SCARA3: variants seen among roughly 807,000 people sequenced by gnomAD.
The protein encoded by SCARA3 is cellular stress response gene protein.
SCARA3 carries 39 observed loss-of-function variants against 47.0 expected under a neutral mutation model. The observed-to-expected ratio is 0.83, with a 90% confidence interval of 0.64 to 1.08. The LOEUF is 1.08. Ranked by LOEUF, SCARA3 falls within the 50% of genes least tolerant of loss-of-function variation. The pLI, the probability that SCARA3 is intolerant of heterozygous loss-of-function variation, is 0.00. For missense variants in SCARA3, 724 were observed against 792.3 expected (o/e 0.91, Z 1.04); for synonymous variants, 356 against 334.1 (o/e 1.07, Z -0.71).
chr8:27,699,756 C>A, the SCARA3 span, among the ~76,000 whole-genome samples: 2 of 151,686 alleles, frequency 1.3e-5, no homozygotes, highest in African/African-American at 4.8e-5. Context: ...TAGTGAGACC[C>A]CAACTCTACA....
At chr8:27,645,423 G>C (rs143454187) in intron 1 of SCARA3, among the ~76,000 whole-genome samples, 1 of 152,398 alleles carries the variant, frequency 6.6e-6, no homozygotes, top group East Asian at 1.9e-4. Flanking sequence ...ACTGCTAGGA[G>C]CGTGACCTGT....
the SCARA3 span, among the ~76,000 whole-genome samples, chr8:27,685,958 A>G: frequency 1.3e-5 from 2 of 152,350 alleles, no homozygotes; most frequent in Admixed American, 6.5e-5. Flanking sequence ...GATGTTAAAG[A>G]TTAAAAGACA....
the SCARA3 span, among the ~76,000 whole-genome samples, chr8:27,688,338 G>A: frequency 6.6e-6 from 1 of 151,310 alleles, no homozygotes; most frequent in Non-Finnish European, 1.5e-5. Context: ...GAAGGAGGGG[G>A]AAAGTGAATA....
intron 1 of SCARA3, among the ~76,000 whole-genome samples, chr8:27,638,145 C>T (rs763425886): frequency 1.7e-4 from 26 of 152,168 alleles, no homozygotes; most frequent in Admixed American, 7.2e-4. Context: ...TCATCGAGAG[C>T]GAGGAAAAAG....
chr8:27,638,314 T>TTGTGTGTGTGTGTGTGTGTG (rs55695492), intron 1 of SCARA3, among the ~76,000 whole-genome samples: 7 of 146,734 alleles, frequency 4.8e-5, no homozygotes, highest in Admixed American at 1.3e-4. Context: ...AATTTAGTGA[T>TTGTGTGTGTGTGTGTGTGTG]TGTGTGTGTG....
the SCARA3 span, among the ~76,000 whole-genome samples, chr8:27,705,393 A>G: frequency 6.6e-6 from 1 of 152,252 alleles, no homozygotes; most frequent in African/African-American, 2.4e-5. Flanking sequence ...TTTAATGCCC[A>G]CTGAGCTAGG....
chr8:27,668,154 C>T (rs549788408), intron 5 of SCARA3, among the ~76,000 whole-genome samples: 17 of 152,338 alleles, frequency 1.1e-4, no homozygotes, highest in Admixed American at 5.2e-4. Flanking sequence ...TAGGGAAAGA[C>T]TCCCCAGAGC....
At chr8:27,649,606 T>G in intron 1 of SCARA3, 96 bp from the exon 2 acceptor site, 1 of 1,137,274 alleles carries the variant, frequency 8.8e-7, no homozygotes, top group South Asian at 1.3e-5. Context: ...GGCTCAGGGG[T>G]AGAGGTGGGC....
chr8:27,693,829 T>A, the SCARA3 span, among the ~76,000 whole-genome samples: 44 of 152,344 alleles, frequency 2.9e-4, no homozygotes, highest in South Asian at 6.2e-4. Flanking sequence ...TAATAACTCT[T>A]TCAACCAATT....
chr8:27,651,089 C>G (rs1377665225), intron 2 of SCARA3, among the ~76,000 whole-genome samples: 4 of 152,176 alleles, frequency 2.6e-5, no homozygotes, highest in Admixed American at 2.6e-4. Flanking sequence ...TGCTGAGGAG[C>G]TCCTGTGATG....
At chr8:27,683,619 C>T in the SCARA3 span, among the ~76,000 whole-genome samples, 10,623 of 152,132 alleles carry the variant, frequency 0.07, 444 homozygotes, top group East Asian at 0.22. Flanking sequence ...ACCCATCTAC[C>T]AGATGACTCA....
the SCARA3 span, among the ~76,000 whole-genome samples, chr8:27,691,628 A>G: frequency 1.1e-3 from 162 of 152,192 alleles, no homozygotes; most frequent in African/African-American, 3.6e-3. Flanking sequence ...TCAGTGCACA[A>G]ATAGCCCTTT....
At chr8:27,654,664 C>T (rs1369643080) in intron 3 of SCARA3, among the ~76,000 whole-genome samples, 1 of 151,478 alleles carries the variant, frequency 6.6e-6, no homozygotes, top group Non-Finnish European at 1.5e-5. Context: ...GCGGCACATG[C>T]CAGTAGTCCT....
rs1174244060 is a variant in SCARA3 at position 27,649,818 on chromosome 8, G to T, written c.106+18G>T. The T allele has an allele frequency of 6.3e-7, 1 of 1,598,690 alleles. No individual in the cohort carries two copies. The highest frequency in any genetic ancestry group is 1.1e-5 in the South Asian group (1 of 90,176). On this transcript the variant is annotated intron_variant, in intron 2 of 5. Coordinates refer to ENST00000301904, the MANE Select transcript of SCARA3 (RefSeq NM_016240.3). ...CCAGAAGGGTAAGGACTCTGGGGCT[G>T]CCCCTGATCTCCGCTCTGGGCTGAG...
intron 1 of SCARA3, among the ~76,000 whole-genome samples, chr8:27,647,179 GCACAGGCACACA>G (rs1418978348): frequency 6.6e-6 from 1 of 152,140 alleles, no homozygotes; most frequent in African/African-American, 2.4e-5. Context: ...ACATGTGCAA[GCACAGGCACACA>G]CGCAGGCATG....
intron 4 of SCARA3, among the ~76,000 whole-genome samples, chr8:27,658,100 C>T (rs1424930535): frequency 5.9e-5 from 9 of 152,166 alleles, no homozygotes; most frequent in Non-Finnish European, 8.8e-5. Context: ...CTCTGCACCT[C>T]GTTCCTCTTG....
At chr8:27,719,875 T>C in the SCARA3 span, among the ~76,000 whole-genome samples, 106,200 of 152,008 alleles carry the variant, frequency 0.7, 38,830 homozygotes, top group East Asian at 0.87. Context: ...ATAGAAAAGA[T>C]GCAGCTCTAG....
At chr8:27,669,876 C>T (rs576415) in intron 5 of SCARA3, among the ~76,000 whole-genome samples, 30,166 of 152,184 alleles carry the variant, frequency 0.2, 3,438 homozygotes, top group Middle Eastern at 0.35. Flanking sequence ...GGGCCTGTGC[C>T]GCAGAACTGG....
At chr8:27,709,955 A>G in the SCARA3 span, among the ~76,000 whole-genome samples, 1 of 152,178 alleles carries the variant, frequency 6.6e-6, no homozygotes, top group Non-Finnish European at 1.5e-5. Context: ...AGAAAATCAA[A>G]GAGAGACGCT....
Sources: gnomAD v4.1 joint callset for allele counts (sites outside exome capture counted in the v4.1 genomes callset) on GRCh38, gnomAD v4.1.1 for gene constraint, MANE v1.5 for transcripts, NCBI Gene and HGNC (gene_info 2026-07-23, HGNC 2026-07-21) for gene names.